SAG: variants seen among roughly 807,000 people sequenced by gnomAD.
SAG encodes S-arrestin.
In SAG, 45 loss-of-function variants were observed where a neutral mutation model predicts 55.0. The ratio of observed to expected loss-of-function variants is 0.82; its 90% CI spans 0.64 to 1.05. The LOEUF is 1.05. Among genes scored for constraint, SAG ranks in the 50% least tolerant of loss-of-function variants. The probability of loss-of-function intolerance (pLI) is 0.00; values close to 1 mark genes in which losing one functional copy is unlikely to be tolerated. For missense variants in SAG, 455 were observed against 512.1 expected (o/e 0.89, Z 1.08); for synonymous variants, 189 against 197.4 (o/e 0.96, Z 0.36).
At chr2:233,327,005 C>A in intron 6 of SAG, 116 bp from the exon 7 acceptor site, 1 of 766,398 alleles carries the variant, frequency 1.3e-6, no homozygotes, top group Non-Finnish European at 2.3e-6. Flanking sequence ...TAGGACATGG[C>A]CAAGACAAAA....
chr2:233,342,037 T>C (rs960463746), intron 13 of SAG, among the ~76,000 whole-genome samples: 1 of 151,862 alleles, frequency 6.6e-6, no homozygotes, highest in Non-Finnish European at 1.5e-5. Flanking sequence ...GATAGGAGAA[T>C]TGCATGAACC....
At chr2:233,320,570 CAG>C in intron 4 of SAG, 58 bp from the exon 5 acceptor site, 1 of 1,343,034 alleles carries the variant, frequency 7.4e-7, no homozygotes, top group South Asian at 1.4e-5. Context: ...CCCATTCCGT[CAG>C]TGGTGGTGGG....
intron 11 of SAG, among the ~76,000 whole-genome samples, chr2:233,337,453 G>C (rs913117909): frequency 6.6e-6 from 1 of 152,082 alleles, no homozygotes; most frequent in South Asian, 2.1e-4. Context: ...GTCCAGGCTG[G>C]TCTTGAATTT....
At chr2:233,338,986 AGCGCCACTTT>A in intron 12 of SAG, 1 of 618,434 alleles carries the variant, frequency 1.6e-6, no homozygotes, top group Non-Finnish European at 3.0e-6. Context: ...GTGCATTCTT[AGCGCCACTTT>A]GCAAAAATAC....
chr2:233,331,918 A>G, intron 10 of SAG: 1 of 583,922 alleles, frequency 1.7e-6, no homozygotes, highest in Non-Finnish European at 3.1e-6. Flanking sequence ...ATCTTACAGG[A>G]GTTCTGAGGA....
intron 14 of SAG, chr2:233,343,502 G>A (rs1191619558): frequency 1.1e-5 from 3 of 264,178 alleles, no homozygotes. Context: ...ACTGGCTCTT[G>A]TATGGATGCG....
rs118115153 is a variant in SAG at position 233,318,133 on chromosome 2, C to T, written c.137-618C>T. The stretch of plus-strand genomic sequence containing the variant: ...GGACCACAGGCATGCACCACCGCAC[C>T]TGGCCCATGCCCTGCTAACTTTTTT... On this transcript the variant is annotated intron_variant, in intron 3 of 15. Coordinates refer to ENST00000409110, the MANE Select transcript of SAG (RefSeq NM_000541.5). Among the ~76,000 whole-genome samples the T allele has an allele frequency of 2.5e-3, 380 of 152,170 alleles. 13 individuals are homozygous for T. The East Asian group carries it at 0.067, about 27-fold the overall frequency.
chr2:233,335,133 C>T (rs753105817), intron 11 of SAG, 34 bp downstream of exon 11: 7 of 1,595,730 alleles, frequency 4.4e-6, no homozygotes, highest in Non-Finnish European at 6.0e-6. Context: ...TAAGCCCTGG[C>T]AGGGCGGGCT....
At chr2:233,346,464 TCTC>T (rs1361603943) in intron 15 of SAG, 52 bp downstream of exon 15, 1 of 1,587,826 alleles carries the variant, frequency 6.3e-7, no homozygotes, top group African/African-American at 1.3e-5. Flanking sequence ...TCTGGGACCT[TCTC>T]CTCCAGCACA....
At chr2:233,338,558 T>A (rs780844231) in intron 11 of SAG, 118 bp from the exon 12 acceptor site, 8 of 875,404 alleles carry the variant, frequency 9.1e-6, no homozygotes, top group African/African-American at 1.6e-5. Context: ...CTCAGTGAGT[T>A]CACCAGTCCC....
At chr2:233,335,223 G>A (rs1165907458) in intron 11 of SAG, 124 bp downstream of exon 11, 1 of 1,270,104 alleles carries the variant, frequency 7.9e-7, no homozygotes, top group African/African-American at 1.5e-5. Context: ...GGCGTGTGTA[G>A]TGTGGAGTGC....
chr2:233,322,901 A>T (rs752482582), intron 5 of SAG, 45 bp from the exon 6 acceptor site: 1 of 1,116,110 alleles, frequency 9.0e-7, no homozygotes, highest in Non-Finnish European at 1.3e-6. Flanking sequence ...TTAATGGAAC[A>T]GCCCCTTCTG....
At chr2:233,308,756 G>A (rs1438346841) in intron 1 of SAG, among the ~76,000 whole-genome samples, 2 of 152,140 alleles carry the variant, frequency 1.3e-5, no homozygotes, top group African/African-American at 2.4e-5. Flanking sequence ...CAGTCTTTGC[G>A]AAGTGGTTAT....
intron 5 of SAG, among the ~76,000 whole-genome samples, chr2:233,322,703 C>A (rs2125330441): frequency 6.6e-6 from 1 of 152,254 alleles, no homozygotes; most frequent in East Asian, 1.9e-4. Flanking sequence ...CCACTGCACT[C>A]CAGCCTGGGC....
chr2:233,342,351 T>G (rs774933822), intron 14 of SAG, 25 bp downstream of exon 14: 29 of 1,561,822 alleles, frequency 1.9e-5, no homozygotes, highest in Non-Finnish European at 2.3e-5. Flanking sequence ...TTTTTAGCTT[T>G]CTTTAATTAT....
At chr2:233,343,594 T>C (rs1275586472) in intron 14 of SAG, 3 of 955,706 alleles carry the variant, frequency 3.1e-6, no homozygotes, top group East Asian at 6.4e-5. Flanking sequence ...TTGTATGATA[T>C]ATGAATTTGA....
At chr2:233,315,349 G>A (rs1450371269) in intron 2 of SAG, among the ~76,000 whole-genome samples, 2 of 133,070 alleles carry the variant, frequency 1.5e-5, no homozygotes, top group Admixed American at 8.5e-5. Context: ...CTGGAGTGCA[G>A]TGGAACGATC....
chr2:233,334,865 G>A, intron 10 of SAG, 97 bp from the exon 11 acceptor site: 1 of 1,447,146 alleles, frequency 6.9e-7, no homozygotes, highest in Non-Finnish European at 9.6e-7. Flanking sequence ...TCCATCAGGG[G>A]ATGTGGATCC....
intron 4 of SAG, 39 bp from the exon 5 acceptor site, chr2:233,320,591 C>T (rs1018748659): frequency 1.5e-5 from 23 of 1,508,032 alleles, no homozygotes; most frequent in Admixed American, 4.7e-5. Flanking sequence ...GGTGCCAGGC[C>T]GAGGGCCAAG....
Sources: gnomAD v4.1 joint callset for allele counts (sites outside exome capture counted in the v4.1 genomes callset) on GRCh38, gnomAD v4.1.1 for gene constraint, MANE v1.5 for transcripts, NCBI Gene and HGNC (gene_info 2026-07-23, HGNC 2026-07-21) for gene names.